The following XKR6 variants were observed in gnomAD, a reference collection of about 807,000 sequenced individuals.
The protein encoded by XKR6 is XK related 6.
A neutral mutation model predicts 56.7 loss-of-function variants in XKR6; 22 were observed. The ratio of observed to expected loss-of-function variants is 0.39; its 90% CI spans 0.28 to 0.55. The LOEUF (loss-of-function observed/expected upper bound fraction) is 0.55, where lower values mean the gene tolerates loss of function less well. XKR6 is among the 20% of genes least tolerant of loss of function. The pLI is 0.66. For missense variants in XKR6, 852 were observed against 889.0 expected (o/e 0.96, Z 0.53); for synonymous variants, 524 against 387.8 (o/e 1.35, Z -4.13).
chr8:11,133,503 G>A lies in XKR6; in HGVS notation c.764+67073C>T, dbSNP rs1409211802. On this transcript the variant is annotated intron_variant, in intron 1 of 2. Coordinates refer to ENST00000416569, the MANE Select transcript of XKR6 (RefSeq NM_173683.4). ...GAATGTCCAAGACCTTTCGGAGTAT[G>A]GACCTTGAACTGGCGGGAATGCTGT... 2.6e-5 allele frequency among the ~76,000 whole-genome samples: 4 copies of A among 152,110 alleles called. No individual in the cohort carries two copies. In the East Asian group the frequency reaches 7.7e-4, roughly 29 times the overall value.
chr8:10,949,275 G>A (rs773303057), intron 1 of XKR6, among the ~76,000 whole-genome samples: 12 of 152,248 alleles, frequency 7.9e-5, no homozygotes, highest in Non-Finnish European at 1.5e-4. Flanking sequence ...TGAGTCTTAC[G>A]GGCCAGCTTA....
chr8:10,964,177 G>A (rs1290310923), intron 1 of XKR6, among the ~76,000 whole-genome samples: 2 of 152,220 alleles, frequency 1.3e-5, no homozygotes, highest in Non-Finnish European at 1.5e-5. Flanking sequence ...GGCAGGGGCT[G>A]CCTGAGCTTC....
intron 1 of XKR6, among the ~76,000 whole-genome samples, chr8:11,192,619 GA>G (rs1401965141): frequency 1.3e-5 from 2 of 151,804 alleles, no homozygotes; most frequent in Non-Finnish European, 2.9e-5. Flanking sequence ...TGTTTCTTTA[GA>G]AAAAAAATTA....
chr8:11,098,728 C>G (rs1480858045), intron 1 of XKR6, among the ~76,000 whole-genome samples: 1 of 152,124 alleles, frequency 6.6e-6, no homozygotes, highest in African/African-American at 2.4e-5. Flanking sequence ...TGATAAGAAC[C>G]TCTTAGAAAT....
intron 1 of XKR6, among the ~76,000 whole-genome samples, chr8:11,110,121 C>A (rs529459360): frequency 6.6e-6 from 1 of 151,888 alleles, no homozygotes; most frequent in East Asian, 1.9e-4. Flanking sequence ...TACAGGTGCC[C>A]GCCACCACAT....
At position 11,094,074 on chromosome 8, in the gene XKR6, G is replaced by A. The variant is rs941639881; in HGVS notation, c.764+106502C>T. On this transcript the variant is annotated intron_variant, in intron 1 of 2. Transcript: ENST00000416569. ...GCTGGGATTACAGGCGTGAGCCACC[G>A]CGCCCGGCCTTTTTTTTTTTTTGAC... 7.3e-5 allele frequency among the ~76,000 whole-genome samples: 10 copies of A among 137,468 alleles called. No individual in the cohort carries two copies. The East Asian group carries it at 8.3e-4, about 11-fold the overall frequency. 90.2% of individuals were successfully genotyped at this position (137,468 alleles called of 152,430 possible).
intron 1 of XKR6, among the ~76,000 whole-genome samples, chr8:11,085,027 C>T (rs980070357): frequency 6.6e-6 from 1 of 152,296 alleles, no homozygotes; most frequent in Admixed American, 6.5e-5. Flanking sequence ...TTCCCACCCC[C>T]CAGCTCATCC....
chr8:11,162,354 C>T (rs994436925), intron 1 of XKR6, among the ~76,000 whole-genome samples: 1 of 152,156 alleles, frequency 6.6e-6, no homozygotes, highest in African/African-American at 2.4e-5. Flanking sequence ...GCCTCCCAAA[C>T]TCACTCCAGC....
chr8:11,180,222 T>C (rs2067971048), intron 1 of XKR6, among the ~76,000 whole-genome samples: 1 of 152,214 alleles, frequency 6.6e-6, no homozygotes, highest in Admixed American at 6.5e-5. Context: ...CAAAAGTGAT[T>C]ATCTGGATGG....
chr8:10,993,027 G>C (rs983833480), intron 1 of XKR6, among the ~76,000 whole-genome samples: 1 of 152,248 alleles, frequency 6.6e-6, no homozygotes, highest in East Asian at 1.9e-4. Context: ...CACGGAGAAA[G>C]AGAAGTGGGA....
chr8:11,148,923 G>T (rs987208125), intron 1 of XKR6, among the ~76,000 whole-genome samples: 4 of 152,210 alleles, frequency 2.6e-5, no homozygotes, highest in African/African-American at 9.6e-5. Context: ...CAGAAAAGAA[G>T]ACAGTGTGTA....
intron 1 of XKR6, among the ~76,000 whole-genome samples, chr8:11,008,747 A>T (rs1374674981): frequency 6.6e-6 from 1 of 152,066 alleles, no homozygotes; most frequent in African/African-American, 2.4e-5. Context: ...ACCGGTGGAC[A>T]CATGTCTGGG....
chr8:10,916,211 A>T (rs1279083041), intron 2 of XKR6, among the ~76,000 whole-genome samples: 1 of 152,214 alleles, frequency 6.6e-6, no homozygotes, highest in African/African-American at 2.4e-5. Context: ...GACGTAGTGG[A>T]TTGGTTGTTT....
chr8:10,996,484 G>A (rs991908139), intron 1 of XKR6, among the ~76,000 whole-genome samples: 1 of 152,170 alleles, frequency 6.6e-6, no homozygotes, highest in East Asian at 1.9e-4. Context: ...TCTCTATACT[G>A]CTAAGAGCAA....
At chr8:11,058,964 G>C (rs1212740368) in intron 1 of XKR6, among the ~76,000 whole-genome samples, 2 of 152,252 alleles carry the variant, frequency 1.3e-5, no homozygotes, top group African/African-American at 4.8e-5. Flanking sequence ...TTCGCAGCCA[G>C]GTGGGTGGGA....
intron 1 of XKR6, among the ~76,000 whole-genome samples, chr8:11,134,001 C>T (rs1030631887): frequency 2.0e-5 from 3 of 152,150 alleles, no homozygotes; most frequent in African/African-American, 7.2e-5. Flanking sequence ...CCTGCAATTA[C>T]TTGCACTTCC....
chr8:11,174,092 A>G (rs1393404440), intron 1 of XKR6, among the ~76,000 whole-genome samples: 1 of 152,204 alleles, frequency 6.6e-6, no homozygotes, highest in Non-Finnish European at 1.5e-5. Flanking sequence ...ATCAGGTCCA[A>G]CTCGATTAAT....
chr8:11,191,228 T>C (rs1803556005), intron 1 of XKR6, among the ~76,000 whole-genome samples: 1 of 152,182 alleles, frequency 6.6e-6, no homozygotes, highest in Non-Finnish European at 1.5e-5. Flanking sequence ...AAGGTTAGAA[T>C]TACCAGGGAG....
At chr8:10,991,152 T>C (rs1184500787) in intron 1 of XKR6, among the ~76,000 whole-genome samples, 2 of 151,788 alleles carry the variant, frequency 1.3e-5, no homozygotes, top group Non-Finnish European at 2.9e-5. Context: ...GATCCACCTG[T>C]CTCAGCCTCC....
Sources: gnomAD v4.1 joint callset for allele counts (sites outside exome capture counted in the v4.1 genomes callset) on GRCh38, gnomAD v4.1.1 for gene constraint, MANE v1.5 for transcripts, NCBI Gene and HGNC (gene_info 2026-07-23, HGNC 2026-07-21) for gene names.